The following RBM47 variants were observed in gnomAD, a reference collection of about 807,000 sequenced individuals.
RBM47 encodes RNA binding motif protein 47.
RBM47 carries 21 observed loss-of-function variants against 47.1 expected under a neutral mutation model. The observed-to-expected ratio is 0.45, with a 90% CI of 0.32 to 0.64. The LOEUF (loss-of-function observed/expected upper bound fraction) is 0.64, where lower values mean the gene tolerates loss of function less well. Ranked by LOEUF, RBM47 falls within the 30% of genes least tolerant of loss-of-function variation. The pLI is 0.05. For synonymous variants in RBM47, 375 were observed against 361.7 expected (o/e 1.04, Z -0.42); for missense variants, 708 against 870.9 (o/e 0.81, Z 2.35).
chr4:40,596,699 T>A (rs1734787145), intron 1 of RBM47, among the ~76,000 whole-genome samples: 1 of 152,106 alleles, frequency 6.6e-6, no homozygotes, highest in Non-Finnish European at 1.5e-5. Flanking sequence ...CCATCAAGAA[T>A]GCAAAGCCCC....
At chr4:40,528,187 C>A (rs1726943615) in intron 2 of RBM47, among the ~76,000 whole-genome samples, 1 of 151,994 alleles carries the variant, frequency 6.6e-6, no homozygotes, top group Non-Finnish European at 1.5e-5. Context: ...CCAAGGCGGG[C>A]AGATCACAAG....
At position 40,629,834 on chromosome 4, in the gene RBM47, G is replaced by A. The variant is rs1578099489; in HGVS notation, c.-678C>T. 6.6e-6 allele frequency: 1 copy of A among 152,194 alleles called. No homozygotes were observed. The highest frequency in any genetic ancestry group is 6.5e-5 in the Admixed American group (1 of 15,282). 9.4% of individuals were successfully genotyped at this position (152,194 alleles called of 1,614,324 possible). On this transcript the variant is annotated 5_prime_UTR_variant, in exon 1 of 7. Coordinates refer to ENST00000295971, the MANE Select transcript of RBM47 (RefSeq NM_001098634.2). ...GCGCCGCGTCCCGGCTGCGTGGGGC[G>A]CTGCGCACGGGAGCGCTCAGCGTCT...
At chr4:40,589,594 G>A (rs570215272) in intron 1 of RBM47, among the ~76,000 whole-genome samples, 3 of 151,704 alleles carry the variant, frequency 2.0e-5, no homozygotes, top group East Asian at 3.9e-4. Flanking sequence ...ACACCACCAT[G>A]CCTGGATAAT....
chr4:40,628,797 C>G lies in RBM47; in HGVS notation c.-240+599G>C, dbSNP rs1737972743. Among the ~76,000 whole-genome samples the G allele has an allele frequency of 6.6e-6, 1 of 152,074 alleles. No individual in the cohort carries two copies. Among genetic ancestry groups the G allele is most frequent in the Non-Finnish European group, 1.5e-5 (1 of 68,030 alleles). On this transcript the variant is annotated intron_variant, in intron 1 of 6. Transcript: ENST00000295971. This position sits in a 1 kb window ranked among gnomAD's most constrained non-coding sequence, Gnocchi z 4.0. ...ACTTTTACCTAATTAAAAAATGAGT[C>G]ATTTATTTGAAAAATTCCACTTCCA...
chr4:40,524,594 A>G (rs147821801), intron 2 of RBM47, among the ~76,000 whole-genome samples: 181 of 152,304 alleles, frequency 1.2e-3, no homozygotes, highest in African/African-American at 4.2e-3. Context: ...TCGGACTCAG[A>G]AAAGGATTTT....
At chr4:40,596,687 A>T (rs1734785951) in intron 1 of RBM47, among the ~76,000 whole-genome samples, 1 of 152,166 alleles carries the variant, frequency 6.6e-6, no homozygotes, top group Non-Finnish European at 1.5e-5. Flanking sequence ...CTTCCTCCCT[A>T]ACCATCAAGA....
chr4:40,623,840 CTTG>C (rs1397134532), intron 1 of RBM47, among the ~76,000 whole-genome samples: 2 of 150,334 alleles, frequency 1.3e-5, no homozygotes, highest in African/African-American at 4.9e-5. Context: ...GAGGTATAAA[CTTG>C]TTTGTTTGTT....
intron 2 of RBM47, among the ~76,000 whole-genome samples, chr4:40,530,828 G>A (rs1216257357): frequency 3.9e-5 from 6 of 152,142 alleles, no homozygotes; most frequent in Admixed American, 6.6e-5. Flanking sequence ...GGCGAGGCAC[G>A]GTGGCTCACA....
intron 1 of RBM47, among the ~76,000 whole-genome samples, chr4:40,593,514 T>A (rs1734455673): frequency 6.6e-6 from 1 of 152,050 alleles, no homozygotes; most frequent in South Asian, 2.1e-4. Context: ...GGCAGGTGGA[T>A]CACCTGAGGT....
chr4:40,520,450 C>T (rs1469288862), intron 2 of RBM47, among the ~76,000 whole-genome samples: 1 of 151,476 alleles, frequency 6.6e-6, no homozygotes, highest in African/African-American at 2.5e-5. Flanking sequence ...TCGCCCCAGG[C>T]CTATTCCAAA....
At chr4:40,452,517 C>T (rs1394761349) in intron 3 of RBM47, among the ~76,000 whole-genome samples, 4 of 152,084 alleles carry the variant, frequency 2.6e-5, no homozygotes, top group Non-Finnish European at 5.9e-5. Flanking sequence ...GCTAAGCAAG[C>T]AGGAGGCCTG....
intron 2 of RBM47, among the ~76,000 whole-genome samples, chr4:40,487,888 T>C (rs964545293): frequency 1.3e-5 from 2 of 152,302 alleles, no homozygotes; most frequent in African/African-American, 4.8e-5. Flanking sequence ...TTTTCCCCTA[T>C]GTATAGCCTA....
At chr4:40,450,463 G>A (rs549815989) in intron 3 of RBM47, among the ~76,000 whole-genome samples, 4 of 151,918 alleles carry the variant, frequency 2.6e-5, no homozygotes, top group South Asian at 2.1e-4. Context: ...TTAGCCAGGC[G>A]TGGTGGCATG....
chr4:40,524,494 C>T (rs980575999), intron 2 of RBM47, among the ~76,000 whole-genome samples: 2 of 152,228 alleles, frequency 1.3e-5, no homozygotes, highest in African/African-American at 2.4e-5. Context: ...TGTTTCACAG[C>T]TGTGTGTTCT....
rs1445157694 is a variant in RBM47, at chr4:40,437,086, A to AT, written c.1124-440_1124-439insA. On this transcript the variant is annotated intron_variant, in intron 4 of 6. Transcript: ENST00000295971. ...GAGACCCTGTCTCAAAAAAAAAAAA[A>AT]AAAAATATATATATATATATATATA... Among the ~76,000 whole-genome samples, 18 of 58,030 alleles carry AT rather than the reference A, an allele frequency of 3.1e-4. 3 individuals carry two copies. Among genetic ancestry groups the AT allele is most frequent in the African/African-American group, 1.5e-3 (15 of 10,022 alleles). The allele number at this position is 58,030 out of a possible 152,430, so 38.1% of individuals were successfully genotyped here.
chr4:40,584,379 T>G lies in RBM47; in HGVS notation c.-239-39873A>C, dbSNP rs114118187. On this transcript the variant is annotated intron_variant, in intron 1 of 6. Coordinates refer to ENST00000295971, the MANE Select transcript of RBM47 (RefSeq NM_001098634.2). ...CTTCCACTCCAATCCATCAGACCAG[T>G]GTTGTCCATTATAAATGCAATGGGA... 1.7e-3 allele frequency among the ~76,000 whole-genome samples: 255 copies of G among 152,276 alleles called. 1 individual carries two copies. The highest frequency in any genetic ancestry group is 3.1e-3 in the Non-Finnish European group (208 of 68,026).
chr4:40,515,039 A>G (rs1433765913), intron 2 of RBM47, among the ~76,000 whole-genome samples: 1 of 152,246 alleles, frequency 6.6e-6, no homozygotes, highest in Non-Finnish European at 1.5e-5. Flanking sequence ...ATGCAACTCA[A>G]AAAGTGCTCA....
chr4:40,554,935 G>T (rs746637882), intron 1 of RBM47, among the ~76,000 whole-genome samples: 4 of 151,556 alleles, frequency 2.6e-5, no homozygotes, highest in Admixed American at 6.6e-5. Context: ...CTAATTTTTG[G>T]TTTTTTGTTT....
Position 40,528,949 on chromosome 4 carries a change from A to ATAAATAAATAAATAAAT in RBM47, c.-155+15472_-155+15473insATTTATTTATTTATTTA, listed in dbSNP as rs57303226. On this transcript the variant is annotated intron_variant, in intron 2 of 6. Coordinates refer to ENST00000295971, the MANE Select transcript of RBM47 (RefSeq NM_001098634.2). ...CAGAGCGAGACTCCGTCTCAAAAAAAAAATAAATAAATAAATAAATAAATA... is the reference window on the plus strand; with the variant it reads ...CAGAGCGAGACTCCGTCTCAAAAAAATAAATAAATAAATAAATAAATAAATAAATAAATAAATAAATA... 4.2e-4 allele frequency among the ~76,000 whole-genome samples: 37 copies of ATAAATAAATAAATAAAT among 88,638 alleles called. 1 individual carries two copies. The highest frequency in any genetic ancestry group is 1.4e-3 in the African/African-American group (28 of 20,448). The allele number at this position is 88,638 out of a possible 152,430, so 58.1% of individuals were successfully genotyped here.
Sources: allele counts gnomAD v4.1 joint callset (sites outside exome capture counted in the v4.1 genomes callset), GRCh38; gene constraint gnomAD v4.1.1; non-coding constraint Gnocchi (gnomAD v3.1); transcripts MANE v1.5; gene names NCBI Gene and HGNC (gene_info 2026-07-23, HGNC 2026-07-21).